PRRG2: variants seen among roughly 807,000 people sequenced by gnomAD.
PRRG2 encodes proline rich and Gla domain 2, also known as transmembrane gamma-carboxyglutamic acid protein 2.
In PRRG2, 23 loss-of-function variants were observed where a neutral mutation model predicts 27.1. The ratio of observed to expected loss-of-function variants is 0.85; its 90% CI spans 0.61 to 1.20. The LOEUF (loss-of-function observed/expected upper bound fraction) is 1.20. PRRG2 is among the 50% of genes most tolerant of loss of function. The pLI, the probability that PRRG2 is intolerant of heterozygous loss-of-function variation, is 0.00. For missense variants in PRRG2, 276 were observed against 254.8 expected (o/e 1.08, Z -0.57); for synonymous variants, 104 against 103.4 (o/e 1.01, Z -0.03).
chr19:49,590,244 G>A, intron 6 of PRRG2, 127 bp from the exon 7 acceptor site: 1 of 1,493,186 alleles, frequency 6.7e-7, no homozygotes. Flanking sequence ...CCGTATAGGA[G>A]GGTGGGGCCT....
At chr19:49,580,714 C>T (rs1018956198), upstream of PRRG2, 2 of 152,180 alleles carry the variant, frequency 1.3e-5, no homozygotes, top group Non-Finnish European at 2.9e-5. Context: ...ACGTGAGTAG[C>T]TAATCGAAAG....
At chr19:49,587,479 A>ATTT (rs1258876937) in intron 4 of PRRG2, among the ~76,000 whole-genome samples, 8 of 114,646 alleles carry the variant, frequency 7.0e-5, no homozygotes, top group East Asian at 2.4e-4. Flanking sequence ...AGCCTGGTTA[A>ATTT]TTTTTTTTTT....
intron 4 of PRRG2, among the ~76,000 whole-genome samples, chr19:49,585,147 TC>T (rs1469507156): frequency 6.6e-6 from 1 of 151,940 alleles, no homozygotes; most frequent in Non-Finnish European, 1.5e-5. Flanking sequence ...TGATTTCCCC[TC>T]CCCCACAGCC....
chr19:49,582,133 C>G (rs191469119), intron 1 of PRRG2, among the ~76,000 whole-genome samples: 48 of 148,240 alleles, frequency 3.2e-4, no homozygotes, highest in African/African-American at 1.1e-3. Flanking sequence ...CTCAACTACC[C>G]GGGAGGCTGA....
At chr19:49,581,004 C>T, upstream of PRRG2, among the ~76,000 whole-genome samples, 1 of 152,200 alleles carries the variant, frequency 6.6e-6, no homozygotes, top group Non-Finnish European at 1.5e-5. Flanking sequence ...TCAAGTCGCT[C>T]TCAGGAAACA....
At chr19:49,588,155 G>T (rs1469741011) in intron 4 of PRRG2, among the ~76,000 whole-genome samples, 1 of 151,828 alleles carries the variant, frequency 6.6e-6, no homozygotes, top group African/African-American at 2.4e-5. Flanking sequence ...GTAGAGACAG[G>T]GTTTCACCAT....
chr19:49,590,615 A>G lies in PRRG2; in HGVS notation c.*226A>G. 1.6e-6 allele frequency: 1 copy of G among 617,686 alleles called. No homozygotes were observed. The highest frequency in any genetic ancestry group is 2.8e-5 in the East Asian group (1 of 35,188). 38.3% of individuals were successfully genotyped at this position (617,686 alleles called of 1,614,324 possible). On this transcript the variant is annotated 3_prime_UTR_variant, in exon 7 of 7. Coordinates refer to ENST00000246794, the MANE Select transcript of PRRG2 (RefSeq NM_000951.3). ...GTGTCCTGGCCCCTCACGGGCCCCC[A>G]CACTCTCCTGACCGTGAGGGCACTG...
At chr19:49,582,542 A>ATG (rs2080635817) in intron 1 of PRRG2, among the ~76,000 whole-genome samples, 1 of 151,504 alleles carries the variant, frequency 6.6e-6, no homozygotes, top group African/African-American at 2.4e-5. Context: ...TGAGGCAGGC[A>ATG]GATCACTTGA....
intron 5 of PRRG2, among the ~76,000 whole-genome samples, chr19:49,589,426 C>CTTTTT (rs398059803): frequency 7.6e-6 from 1 of 132,354 alleles, no homozygotes; most frequent in Non-Finnish European, 1.6e-5. Context: ...ACGCCTGGCC[C>CTTTTT]TTTTTTTTTT....
rs1439076294 is a variant in PRRG2, at chr19:49,590,734, A to C, written c.*345A>C. ...GCCATCTTGTGTATGGGCAGATATG[A>C]CCTGACAGCCCCCTCCAGTGCCACA... On this transcript the variant is annotated 3_prime_UTR_variant, in exon 7 of 7. Transcript: ENST00000246794. 2 of 373,244 alleles carry C rather than the reference A, an allele frequency of 5.4e-6. No homozygotes were observed. The highest frequency in any genetic ancestry group is 4.2e-5 in the Admixed American group (1 of 23,858). 23.1% of individuals were successfully genotyped at this position (373,244 alleles called of 1,614,324 possible).
At chr19:49,588,049 C>A (rs1274538525) in intron 4 of PRRG2, among the ~76,000 whole-genome samples, 1 of 152,096 alleles carries the variant, frequency 6.6e-6, no homozygotes, top group African/African-American at 2.4e-5. Context: ...AAAACATCCA[C>A]CTCCTGAGTT....
Position 49,590,435 on chromosome 19 carries a change from A to C in PRRG2, c.*46A>C, listed in dbSNP as rs1339571486. On this transcript the variant is annotated 3_prime_UTR_variant, in exon 7 of 7. Transcript: ENST00000246794. ...GCTCTCCGAACCGTGCCCCTGATTC[A>C]TACCGGATTCCGGAAGCCGCTAGGC... 6 of 1,613,254 alleles carry C rather than the reference A, an allele frequency of 3.7e-6. No individual in the cohort carries two copies. The highest frequency in any genetic ancestry group is 4.2e-6 in the Non-Finnish European group (5 of 1,179,584).
chr19:49,583,747 G>A (rs1413248224), intron 3 of PRRG2, 30 bp downstream of exon 3: 7 of 1,611,992 alleles, frequency 4.3e-6, no homozygotes, highest in Non-Finnish European at 4.2e-6. Context: ...GGAGTTTCGG[G>A]CCCTCTCTCT....
rs573792106 is a variant in PRRG2, at chr19:49,584,263, C to T, written c.301+311C>T. ...TCGGCTCACTGCAAGCTCCGCCTCCCGGGTTCACGCCATTCTCCTGCCTCA... is the reference window on the plus strand; with the variant it reads ...TCGGCTCACTGCAAGCTCCGCCTCCTGGGTTCACGCCATTCTCCTGCCTCA... On this transcript the variant is annotated intron_variant, in intron 4 of 6. Coordinates refer to ENST00000246794, the MANE Select transcript of PRRG2 (RefSeq NM_000951.3). Among the ~76,000 whole-genome samples, 15 of 151,882 alleles carry T rather than the reference C, an allele frequency of 9.9e-5. 1 individual carries two copies. The highest frequency in any genetic ancestry group is 3.3e-4 in the Admixed American group (5 of 15,246).
At chr19:49,581,049 G>A (rs1015481686), upstream of PRRG2, among the ~76,000 whole-genome samples, 1 of 152,120 alleles carries the variant, frequency 6.6e-6, no homozygotes, top group Non-Finnish European at 1.5e-5. Flanking sequence ...CTGTCCCAGG[G>A]ACTAAGGCAT....
chr19:49,583,789 G>T (rs1217770726), intron 3 of PRRG2, 72 bp downstream of exon 3: 2 of 1,610,658 alleles, frequency 1.2e-6, no homozygotes, highest in African/African-American at 2.7e-5. Flanking sequence ...TGCAGGGGTA[G>T]GTTCTGGCCT....
upstream of PRRG2, among the ~76,000 whole-genome samples, chr19:49,581,150 G>A (rs1444791538): frequency 6.6e-6 from 1 of 152,166 alleles, no homozygotes; most frequent in Non-Finnish European, 1.5e-5. Flanking sequence ...GCCAGAGCGG[G>A]TAGGGGTCGG....
At chr19:49,588,419 C>A in intron 4 of PRRG2, 78 bp from the exon 5 acceptor site, 2 of 1,527,522 alleles carry the variant, frequency 1.3e-6, no homozygotes, top group Non-Finnish European at 1.8e-6. Flanking sequence ...ATTCTCTTCC[C>A]TCAGTGGGAA....
intron 6 of PRRG2, 47 bp from the exon 7 acceptor site, chr19:49,590,323 GA>G (rs1429692484): frequency 6.2e-7 from 1 of 1,613,742 alleles, no homozygotes; most frequent in African/African-American, 1.3e-5. Flanking sequence ...GAAGGGGGGA[GA>G]AAAACAGCCA....
Sources: allele counts gnomAD v4.1 joint callset (sites outside exome capture counted in the v4.1 genomes callset), GRCh38; gene constraint gnomAD v4.1.1; transcripts MANE v1.5; gene names NCBI Gene and HGNC (gene_info 2026-07-23, HGNC 2026-07-21).